NUP153: variants seen among roughly 807,000 people sequenced by gnomAD.
NUP153 encodes the protein nuclear pore complex protein Nup153.
In NUP153, 27 loss-of-function variants were observed where a neutral mutation model predicts 134.6. The ratio of observed to expected loss-of-function variants is 0.20; its 90% CI spans 0.15 to 0.28. The LOEUF (loss-of-function observed/expected upper bound fraction) is 0.28, where lower values mean the gene tolerates loss of function less well. NUP153 is among the 10% of genes least tolerant of loss of function. The pLI, the probability that NUP153 is intolerant of heterozygous loss-of-function variation, is 1.00. For synonymous variants in NUP153, 640 were observed against 623.5 expected (o/e 1.03, Z -0.40); for missense variants, 1,821 against 1,731.3 (o/e 1.05, Z -0.92).
intron 9 of NUP153, among the ~76,000 whole-genome samples, chr6:17,663,258 CACAT>C (rs377105087): frequency 0.078 from 10,108 of 129,502 alleles, 410 homozygotes; most frequent in Admixed American, 0.12. Flanking sequence ...CACACACACA[CACAT>C]ATATATATAT....
In NUP153 at chr6:17,662,024, CGTT is replaced by C. The variant is rs1561884356; in HGVS notation, c.1259_1261del (p.Gln420del). 1.9e-6 allele frequency: 3 copies of C among 1,606,488 alleles called. No homozygotes were observed. The highest frequency in any genetic ancestry group is 2.6e-6 in the Non-Finnish European group (3 of 1,173,778). On this transcript the variant is annotated inframe_deletion, in exon 10 of 22. Coordinates refer to ENST00000262077, the MANE Select transcript of NUP153 (RefSeq NM_005124.4). ...GTATAAGAAATGACAGTACCTTTCT[CGTT>C]GTTCTCTATTTTGTCCGGGTGTCAT...
rs1768137320 is a variant in NUP153 at position 17,675,125 on chromosome 6, C to G, written c.724-92G>C. On this transcript the variant is annotated intron_variant, in intron 4 of 21. Transcript: ENST00000262077. The surrounding 1 kb of genome is among the most constrained non-coding windows in gnomAD (Gnocchi z 4.4). ...AAGATCATGCTGCTACACACTCAAGCCTGGGCAACAGCAAAAGACTCTTGT... is the reference window on the plus strand; with the variant it reads ...AAGATCATGCTGCTACACACTCAAGGCTGGGCAACAGCAAAAGACTCTTGT... 6.5e-7 allele frequency: 1 copy of G among 1,549,084 alleles called. No homozygotes were observed. Among genetic ancestry groups the G allele is most frequent in the South Asian group, 1.2e-5 (1 of 83,302 alleles).
rs11422297 is a variant in NUP153 at position 17,628,610 on chromosome 6, T to TAAAA, written c.3544+41_3544+44dup. ...AGGCAACTTGTAAAACGACAACTTG[T>TAAAA]AAAAAAAAAAATAATAATAATAATA... On this transcript the variant is annotated intron_variant, in intron 18 of 21. Coordinates refer to ENST00000262077, the MANE Select transcript of NUP153 (RefSeq NM_005124.4). The surrounding 1 kb of genome is among the most constrained non-coding windows in gnomAD (Gnocchi z 5.4). 7.9e-5 allele frequency: 74 copies of TAAAA among 932,540 alleles called. No individual in the cohort carries two copies. Among genetic ancestry groups the TAAAA allele is most frequent in the African/African-American group, 5.4e-4 (31 of 57,060 alleles). The allele number at this position is 932,540 out of a possible 1,614,324, so 57.8% of individuals were successfully genotyped here.
At chr6:17,685,728 G>A (rs1768885157) in intron 2 of NUP153, among the ~76,000 whole-genome samples, 1 of 152,060 alleles carries the variant, frequency 6.6e-6, no homozygotes, top group Non-Finnish European at 1.5e-5. Flanking sequence ...TGTAAAACTA[G>A]AGCAAATACA....
At chr6:17,673,297 GGT>G (rs1259789671) in intron 5 of NUP153, among the ~76,000 whole-genome samples, 3 of 152,102 alleles carry the variant, frequency 2.0e-5, no homozygotes, top group Non-Finnish European at 4.4e-5. Flanking sequence ...GAACCCAGGA[GGT>G]GGAGGGTGCG....
intron 20 of NUP153, among the ~76,000 whole-genome samples, chr6:17,622,921 GA>G (rs1347970886): frequency 6.6e-6 from 1 of 152,050 alleles, no homozygotes; most frequent in Non-Finnish European, 1.5e-5. Flanking sequence ...ATGAGGTCAG[GA>G]GATCAAGACC....
chr6:17,643,198 C>T (rs1012415950), intron 14 of NUP153, among the ~76,000 whole-genome samples: 3 of 152,176 alleles, frequency 2.0e-5, no homozygotes, highest in Non-Finnish European at 2.9e-5. Flanking sequence ...ATAGGCTGGA[C>T]GCGGTGGCTC....
intron 12 of NUP153, among the ~76,000 whole-genome samples, chr6:17,648,936 TA>T (rs1412626657): frequency 6.6e-6 from 1 of 152,220 alleles, no homozygotes; most frequent in East Asian, 1.9e-4. Flanking sequence ...TTTACAAGAA[TA>T]TCCTTCTCTA....
chr6:17,636,171 TA>T (rs1255400496), intron 16 of NUP153, among the ~76,000 whole-genome samples: 1 of 152,064 alleles, frequency 6.6e-6, no homozygotes, highest in Non-Finnish European at 1.5e-5. Flanking sequence ...CTGTCTCTAC[TA>T]AAAATACAAA....
chr6:17,663,230 A>T (rs562752626), intron 9 of NUP153, among the ~76,000 whole-genome samples: 163 of 91,840 alleles, frequency 1.8e-3, no homozygotes, highest in African/African-American at 4.7e-3. Context: ...AAAAGAAAAA[A>T]ATACACACAC....
At chr6:17,679,930 T>C (rs1388274414) in intron 2 of NUP153, among the ~76,000 whole-genome samples, 2 of 152,186 alleles carry the variant, frequency 1.3e-5, no homozygotes, top group Admixed American at 6.5e-5. Context: ...TACAGCATTG[T>C]TGCCACCGGC....
Position 17,638,507 on chromosome 6 carries a change from C to T in NUP153, c.1847-737G>A, listed in dbSNP as rs1043637068. ...TAATCCAGCCTAGAGCTATTTTTAGCTTAAGGACAAAATACCACATGCTTG... is the reference window on the plus strand; with the variant it reads ...TAATCCAGCCTAGAGCTATTTTTAGTTTAAGGACAAAATACCACATGCTTG... On this transcript the variant is annotated intron_variant, in intron 15 of 21. Transcript: ENST00000262077. This position sits in a 1 kb window ranked among gnomAD's most constrained non-coding sequence, Gnocchi z 4.0. 2.6e-4 allele frequency among the ~76,000 whole-genome samples: 39 copies of T among 152,156 alleles called. No individual in the cohort carries two copies. The highest frequency in any genetic ancestry group is 4.4e-4 in the Non-Finnish European group (30 of 68,026).
intron 1 of NUP153, among the ~76,000 whole-genome samples, chr6:17,689,744 C>G (rs1209572471): frequency 2.0e-5 from 3 of 151,862 alleles, no homozygotes; most frequent in Non-Finnish European, 4.4e-5. Flanking sequence ...AGGCTGGCCT[C>G]AAACTCCCGA....
chr6:17,671,180 C>T (rs906039027), intron 5 of NUP153, among the ~76,000 whole-genome samples: 2 of 152,080 alleles, frequency 1.3e-5, no homozygotes, highest in Non-Finnish European at 2.9e-5. Flanking sequence ...ATGCAGTTTC[C>T]TTTTTAAATT....
At position 17,706,403 on chromosome 6, in the gene NUP153, G is replaced by C. The variant is rs376348557; in HGVS notation, c.-16C>G. The C allele has an allele frequency of 6.3e-7, 1 of 1,596,076 alleles. No individual in the cohort carries two copies. Among genetic ancestry groups the C allele is most frequent in the South Asian group, 1.1e-5 (1 of 90,728 alleles). On this transcript the variant is annotated 5_prime_UTR_variant, in exon 1 of 22. Transcript: ENST00000262077. The surrounding 1 kb of genome is among the most constrained non-coding windows in gnomAD (Gnocchi z 5.9). Reference sequence around the variant, plus strand: ...CCGAGGCCATGGCGGAGCCTCCGCCGCTTCCCGCTCCGGGGCGGGTAAGGG... The same window carrying C: ...CCGAGGCCATGGCGGAGCCTCCGCCCCTTCCCGCTCCGGGGCGGGTAAGGG...
At chr6:17,621,906 T>C (rs1474736403) in intron 20 of NUP153, among the ~76,000 whole-genome samples, 3 of 152,174 alleles carry the variant, frequency 2.0e-5, no homozygotes, top group Non-Finnish European at 2.9e-5. Flanking sequence ...TTATTACACA[T>C]TGTATGTATG....
chr6:17,633,405 T>C (rs1402164111), intron 16 of NUP153, among the ~76,000 whole-genome samples: 1 of 152,246 alleles, frequency 6.6e-6, no homozygotes, highest in Non-Finnish European at 1.5e-5. Context: ...TGACACCTAC[T>C]ACATTCCTGA....
In NUP153 at chr6:17,628,558, C is replaced by T. The variant is rs550392695; in HGVS notation, c.3544+97G>A. On this transcript the variant is annotated intron_variant, in intron 18 of 21. Coordinates refer to ENST00000262077, the MANE Select transcript of NUP153 (RefSeq NM_005124.4). The surrounding 1 kb of genome is among the most constrained non-coding windows in gnomAD (Gnocchi z 5.4). ...ATTTCTCAACTATGTTCAGTGTAAA[C>T]CATTAATTGACTTGCTGCATCTGTC... 3 of 572,306 alleles carry T rather than the reference C, an allele frequency of 5.2e-6. No homozygotes were observed. In the African/African-American group the frequency reaches 5.8e-5, roughly 11 times the overall value. The allele number at this position is 572,306 out of a possible 1,614,324, so 35.5% of individuals were successfully genotyped here. A position where few individuals can be genotyped will look rare whatever the true frequency, so the allele number is the denominator to read the frequency against.
chr6:17,699,619 T>C (rs1561914943), intron 1 of NUP153, among the ~76,000 whole-genome samples: 1 of 152,016 alleles, frequency 6.6e-6, no homozygotes, highest in Non-Finnish European at 1.5e-5. Context: ...GGCAGATCAC[T>C]TGAGGTCAGA....
Sources: allele counts gnomAD v4.1 joint callset (sites outside exome capture counted in the v4.1 genomes callset), GRCh38; gene constraint gnomAD v4.1.1; non-coding constraint Gnocchi (gnomAD v3.1); transcripts MANE v1.5; gene names NCBI Gene and HGNC (gene_info 2026-07-23, HGNC 2026-07-21).